The following LRMDA variants were observed in gnomAD, a reference collection of about 807,000 sequenced individuals.
LRMDA encodes the protein leucine-rich melanocyte differentiation-associated protein.
A neutral mutation model predicts 29.8 loss-of-function variants in LRMDA; 18 were observed. The observed-to-expected ratio is 0.60, with a 90% CI of 0.42 to 0.90. The LOEUF is 0.90. Among genes scored for constraint, LRMDA ranks in the 40% least tolerant of loss-of-function variants. The pLI is 0.00. For missense variants in LRMDA, 273 were observed against 273.9 expected, an observed-to-expected ratio of 1.00 and a Z score of 0.02; for synonymous variants, 125 against 109.4, an observed-to-expected ratio of 1.14 and a Z score of -0.89.
chr10:76,305,249 G>C (rs1840538784), intron 5 of LRMDA, among the ~76,000 whole-genome samples: 2 of 152,088 alleles, frequency 1.3e-5, no homozygotes, highest in South Asian at 2.1e-4. Flanking sequence ...AAGAGGGCTT[G>C]TAGCATGTGT....
intron 5 of LRMDA, among the ~76,000 whole-genome samples, chr10:76,308,126 C>T (rs1302592094): frequency 6.6e-6 from 1 of 152,034 alleles, no homozygotes; most frequent in African/African-American, 2.4e-5. Flanking sequence ...GCCCTCTCCC[C>T]AAATCAAAAA....
intron 2 of LRMDA, among the ~76,000 whole-genome samples, chr10:75,822,227 C>CA (rs1231932392): frequency 6.6e-6 from 1 of 151,650 alleles, no homozygotes; most frequent in African/African-American, 2.4e-5. Context: ...CAGTGGCTAC[C>CA]AAAAAAACAC....
rs576239993 is a variant in LRMDA, at chr10:75,950,803, G to A, written c.132-85205G>A. 2.0e-5 allele frequency among the ~76,000 whole-genome samples: 3 copies of A among 152,332 alleles called. No homozygotes were observed. The East Asian group carries it at 5.8e-4, about 29-fold the overall frequency. The stretch of plus-strand genomic sequence containing the variant: ...GATCACTCAGGAACCTTTAATGAGT[G>A]AATGAATGAAGCTAGAGTGTGATGA... On this transcript the variant is annotated intron_variant, in intron 2 of 6. Coordinates refer to ENST00000611255, the MANE Select transcript of LRMDA (RefSeq NM_001305581.2).
intron 6 of LRMDA, chr10:76,556,496 C>A (rs1436718950): frequency 6.6e-6 from 1 of 152,180 alleles, no homozygotes; most frequent in East Asian, 1.9e-4. Flanking sequence ...GGACTACAGG[C>A]ACCTGCCACC....
Position 76,058,696 on chromosome 10 carries a change from G to A in LRMDA, c.429G>A (p.Leu143=). 1 of 1,614,102 alleles carries A rather than the reference G, an allele frequency of 6.2e-7. No homozygotes were observed. The highest frequency in any genetic ancestry group is 1.1e-5 in the South Asian group (1 of 91,076). Residue 143 remains leucine, a synonymous_variant, in exon 5 of 7, where the codon TTG becomes TTA. Coordinates refer to ENST00000611255, the MANE Select transcript of LRMDA (RefSeq NM_001305581.2). ...RCFVLYKLPN[L]KFLDAQKVTR... The stretch of plus-strand genomic sequence containing the variant: ...TTGTTCTGTACAAGCTGCCCAACTT[G>A]AAATTTCTGGATGCCCAGAAAGTAA...
intron 6 of LRMDA, among the ~76,000 whole-genome samples, chr10:76,549,054 C>T (rs1016094530): frequency 6.6e-6 from 1 of 152,152 alleles, no homozygotes; most frequent in African/African-American, 2.4e-5. Flanking sequence ...ATATGACAGA[C>T]TATATGAGGA....
At chr10:75,704,795 G>A (rs1331431019) in intron 2 of LRMDA, among the ~76,000 whole-genome samples, 2 of 152,190 alleles carry the variant, frequency 1.3e-5, no homozygotes, top group East Asian at 3.8e-4. Context: ...TGTGTCATGG[G>A]CAAGTTTCTT....
chr10:75,431,640 C>G lies in LRMDA; in HGVS notation c.-85C>G, dbSNP rs1259064643. ...TGACTGCCCAGTGCGGAACTGTGCG[C>G]CCGCCGCGCTCCCCTGCCGCGCTCC... On this transcript the variant is annotated 5_prime_UTR_variant, in exon 1 of 7. Transcript: ENST00000611255. 3.4e-6 allele frequency: 4 copies of G among 1,162,282 alleles called. No homozygotes were observed. Among genetic ancestry groups the G allele is most frequent in the Non-Finnish European group, 4.3e-6 (4 of 936,544 alleles). 72.0% of individuals were successfully genotyped at this position (1,162,282 alleles called of 1,614,324 possible).
intron 2 of LRMDA, among the ~76,000 whole-genome samples, chr10:75,751,843 T>C (rs1258704865): frequency 1.3e-5 from 2 of 152,164 alleles, no homozygotes; most frequent in Non-Finnish European, 2.9e-5. Context: ...GCCTTCAAGA[T>C]TGTGTGCTCA....
chr10:76,391,016 C>G (rs1841718564), intron 6 of LRMDA, among the ~76,000 whole-genome samples: 1 of 152,146 alleles, frequency 6.6e-6, no homozygotes, highest in African/African-American at 2.4e-5. Context: ...ACTTACCATC[C>G]AATGGAAATA....
chr10:76,462,077 CCA>C lies in LRMDA; in HGVS notation c.602-95117_602-95116del, dbSNP rs5786236. Reference sequence around the variant, plus strand: ...TCTGTCTCAAAAAAAAAAAAAAAAACCACACACACACACACAAAAACAACAAC... The same window carrying C: ...TCTGTCTCAAAAAAAAAAAAAAAAACCACACACACACACAAAAACAACAAC... On this transcript the variant is annotated intron_variant, in intron 6 of 6. Transcript: ENST00000611255. Among the ~76,000 whole-genome samples the C allele has an allele frequency of 2.2e-3, 265 of 122,586 alleles. 5 individuals are homozygous for C. The Middle Eastern group carries it at 0.026, about 12-fold the overall frequency. 80.4% of individuals were successfully genotyped at this position (122,586 alleles called of 152,430 possible).
chr10:75,717,068 C>T (rs1040200738), intron 2 of LRMDA, among the ~76,000 whole-genome samples: 1 of 152,164 alleles, frequency 6.6e-6, no homozygotes, highest in African/African-American at 2.4e-5. Flanking sequence ...ATGTGACTGC[C>T]ATGTCTGCAC....
At chr10:75,836,914 C>A (rs1844447220) in intron 2 of LRMDA, among the ~76,000 whole-genome samples, 1 of 152,138 alleles carries the variant, frequency 6.6e-6, no homozygotes, top group African/African-American at 2.4e-5. Flanking sequence ...GACATTTATT[C>A]ATCTTTGCAT....
chr10:75,992,154 T>G (rs1466377260), intron 2 of LRMDA, among the ~76,000 whole-genome samples: 1 of 152,146 alleles, frequency 6.6e-6, no homozygotes, highest in Non-Finnish European at 1.5e-5. Flanking sequence ...GGGGTCCAGA[T>G]AGGTTAAACT....
intron 2 of LRMDA, among the ~76,000 whole-genome samples, chr10:75,520,939 G>A (rs1436960403): frequency 6.6e-6 from 1 of 152,126 alleles, no homozygotes; most frequent in African/African-American, 2.4e-5. Context: ...TAACAGTCAG[G>A]TTCCTCAGCT....
intron 6 of LRMDA, among the ~76,000 whole-genome samples, chr10:76,375,813 C>T (rs530228637): frequency 6.7e-6 from 1 of 149,610 alleles, no homozygotes; most frequent in South Asian, 2.1e-4. Context: ...AGAGCATAGT[C>T]TAAAGTTAAA....
intron 5 of LRMDA, among the ~76,000 whole-genome samples, chr10:76,223,830 T>A (rs1315450720): frequency 6.6e-6 from 1 of 152,158 alleles, no homozygotes; most frequent in Non-Finnish European, 1.5e-5. Flanking sequence ...CTCTTCGTGG[T>A]CTTTTCTCTG....
intron 5 of LRMDA, among the ~76,000 whole-genome samples, chr10:76,295,609 G>A (rs181721234): frequency 3.9e-5 from 6 of 152,246 alleles, no homozygotes; most frequent in East Asian, 3.9e-4. Flanking sequence ...GTAGTGTCAC[G>A]GACATGCACT....
rs112506252 is a variant in LRMDA at position 76,229,989 on chromosome 10, G to A, written c.517-94412G>A. Reference sequence around the variant, plus strand: ...ATCTATTGGTAGGCTGCCTTTCCCTGGAGCCCCCTGGGACCAATTATTATT... The same window carrying A: ...ATCTATTGGTAGGCTGCCTTTCCCTAGAGCCCCCTGGGACCAATTATTATT... On this transcript the variant is annotated intron_variant, in intron 5 of 6. Coordinates refer to ENST00000611255, the MANE Select transcript of LRMDA (RefSeq NM_001305581.2). Among the ~76,000 whole-genome samples, 472 of 152,120 alleles carry A rather than the reference G, an allele frequency of 3.1e-3. 2 individuals are homozygous for A. The highest frequency in any genetic ancestry group is 0.011 in the African/African-American group (453 of 41,492).
Sources: allele counts gnomAD v4.1 joint callset (sites outside exome capture counted in the v4.1 genomes callset), GRCh38; gene constraint gnomAD v4.1.1; transcripts MANE v1.5; gene names NCBI Gene and HGNC (gene_info 2026-07-23, HGNC 2026-07-21).